The following SORCS1 variants were observed in gnomAD, a reference collection of about 807,000 sequenced individuals.
SORCS1 encodes sortilin related VPS10 domain containing receptor 1.
SORCS1 carries 60 observed loss-of-function variants against 146.1 expected under a neutral mutation model. The ratio of observed to expected loss-of-function variants is 0.41; its 90% CI spans 0.33 to 0.51. The LOEUF (loss-of-function observed/expected upper bound fraction) is 0.51. SORCS1 is among the 20% of genes least tolerant of loss of function. The pLI is 0.21. For synonymous variants in SORCS1, 637 were observed against 584.0 expected, an observed-to-expected ratio of 1.09 and a Z score of -1.31; for missense variants, 1,352 against 1,487.6, an observed-to-expected ratio of 0.91 and a Z score of 1.50.
At chr10:106,966,923 G>T (rs1446518417) in intron 1 of SORCS1, among the ~76,000 whole-genome samples, 1 of 152,066 alleles carries the variant, frequency 6.6e-6, no homozygotes, top group African/African-American at 2.4e-5. Flanking sequence ...TAAAAAATAA[G>T]CTTATAATAA....
chr10:107,023,966 G>A (rs1254938087), intron 1 of SORCS1, among the ~76,000 whole-genome samples: 1 of 152,086 alleles, frequency 6.6e-6, no homozygotes, highest in Non-Finnish European at 1.5e-5. Context: ...TTGAGGTCAG[G>A]AGTTCGAGAC....
chr10:106,679,230 C>T (rs200952410), intron 12 of SORCS1, 26 bp downstream of exon 12: 18 of 1,580,600 alleles, frequency 1.1e-5, no homozygotes, highest in Non-Finnish European at 1.4e-5. Context: ...TAAACTTCAG[C>T]GATTTGACCC....
At chr10:106,956,213 CA>C (rs752303427) in intron 2 of SORCS1, among the ~76,000 whole-genome samples, 12 of 152,142 alleles carry the variant, frequency 7.9e-5, no homozygotes, top group African/African-American at 1.2e-4. Flanking sequence ...AAGAGACTTC[CA>C]GTCTCACTTC....
At chr10:106,902,001 G>A (rs1006604147) in intron 2 of SORCS1, among the ~76,000 whole-genome samples, 1 of 151,484 alleles carries the variant, frequency 6.6e-6, no homozygotes, top group Admixed American at 6.6e-5. Flanking sequence ...CAGAGATTGC[G>A]CCACTGCACT....
At chr10:106,614,335 C>T (rs1400490177) in intron 21 of SORCS1, among the ~76,000 whole-genome samples, 2 of 152,164 alleles carry the variant, frequency 1.3e-5, no homozygotes, top group African/African-American at 2.4e-5. Context: ...ATTCAGGAAG[C>T]ACAAAAGTTC....
intron 2 of SORCS1, among the ~76,000 whole-genome samples, chr10:106,892,692 G>T (rs1259884327): frequency 1.3e-5 from 2 of 152,112 alleles, no homozygotes; most frequent in South Asian, 4.1e-4. Context: ...AGAGTTCATA[G>T]TGTGTAGTAT....
chr10:107,115,494 T>C (rs1342794723), intron 1 of SORCS1, among the ~76,000 whole-genome samples: 2 of 151,960 alleles, frequency 1.3e-5, no homozygotes, highest in African/African-American at 2.4e-5. Flanking sequence ...GCCAAGAATA[T>C]ACGGTGAGGG....
intron 1 of SORCS1, among the ~76,000 whole-genome samples, chr10:107,042,491 A>G (rs1316939337): frequency 6.6e-6 from 1 of 152,178 alleles, no homozygotes; most frequent in Non-Finnish European, 1.5e-5. Context: ...AGGCCATCCT[A>G]CTTCCACATG....
chr10:106,887,289 C>G (rs969503519), intron 2 of SORCS1, among the ~76,000 whole-genome samples: 3 of 152,024 alleles, frequency 2.0e-5, no homozygotes, highest in Admixed American at 6.5e-5. Context: ...TATTTTGAAA[C>G]AATATCACTA....
intron 1 of SORCS1, among the ~76,000 whole-genome samples, chr10:107,104,579 G>C (rs1590146963): frequency 6.6e-6 from 1 of 150,686 alleles, no homozygotes; most frequent in Middle Eastern, 3.4e-3. Flanking sequence ...TCCCAGAAAA[G>C]AAAAAAAAAG....
At chr10:106,871,281 A>T (rs1950398225) in intron 2 of SORCS1, among the ~76,000 whole-genome samples, 1 of 152,200 alleles carries the variant, frequency 6.6e-6, no homozygotes, top group African/African-American at 2.4e-5. Context: ...CCGTTGTGGA[A>T]AGCAGTATGG....
At chr10:106,582,152 C>A (rs1427224081) in intron 24 of SORCS1, among the ~76,000 whole-genome samples, 1 of 152,012 alleles carries the variant, frequency 6.6e-6, no homozygotes, top group Non-Finnish European at 1.5e-5. Flanking sequence ...CACACACACA[C>A]ACACACATGA....
At chr10:106,677,077 C>A (rs571889071) in intron 13 of SORCS1, among the ~76,000 whole-genome samples, 1 of 152,246 alleles carries the variant, frequency 6.6e-6, no homozygotes, top group East Asian at 1.9e-4. Flanking sequence ...GGACTTGGGA[C>A]TGATTGCCCA....
chr10:106,718,233 C>T (rs1469193551), intron 6 of SORCS1, among the ~76,000 whole-genome samples: 3 of 152,170 alleles, frequency 2.0e-5, no homozygotes, highest in Non-Finnish European at 4.4e-5. Context: ...CACACTAGAA[C>T]CTAGTTTAGT....
intron 2 of SORCS1, among the ~76,000 whole-genome samples, chr10:106,849,518 G>T (rs1949453951): frequency 6.8e-6 from 1 of 148,090 alleles, no homozygotes; most frequent in African/African-American, 2.5e-5. Flanking sequence ...CAACTTCTTT[G>T]CCTTTGGTTT....
chr10:107,047,230 C>T (rs1959586609), intron 1 of SORCS1, among the ~76,000 whole-genome samples: 2 of 152,120 alleles, frequency 1.3e-5, no homozygotes, highest in Non-Finnish European at 2.9e-5. Flanking sequence ...CTCAAGTGAT[C>T]TGCCCACCTC....
At chr10:106,836,273 G>T (rs1948780897) in intron 2 of SORCS1, among the ~76,000 whole-genome samples, 1 of 152,104 alleles carries the variant, frequency 6.6e-6, no homozygotes, top group African/African-American at 2.4e-5. Flanking sequence ...AGGAGATCGA[G>T]ATCATCCTGG....
chr10:106,983,827 A>G (rs1406791595), intron 1 of SORCS1, among the ~76,000 whole-genome samples: 1 of 152,204 alleles, frequency 6.6e-6, no homozygotes, highest in Non-Finnish European at 1.5e-5. Flanking sequence ...AGCCTAAATC[A>G]CCTAAACCGT....
chr10:106,993,144 T>C lies in SORCS1; in HGVS notation c.559-36564A>G, dbSNP rs190264432. On this transcript the variant is annotated intron_variant, in intron 1 of 25. Transcript: ENST00000263054. ...CACGCCCAGCCGGGCCTGGCTAATT[T>C]CTTACAGGGCTTTCATGTCAGGTTT... Among the ~76,000 whole-genome samples, 386 of 151,794 alleles carry C rather than the reference T, an allele frequency of 2.5e-3. 1 individual carries two copies. The highest frequency in any genetic ancestry group is 3.8e-3 in the Non-Finnish European group (260 of 67,980).
Sources: gnomAD v4.1 joint callset for allele counts (sites outside exome capture counted in the v4.1 genomes callset) on GRCh38, gnomAD v4.1.1 for gene constraint, MANE v1.5 for transcripts, NCBI Gene and HGNC (gene_info 2026-07-23, HGNC 2026-07-21) for gene names.